SMG5: variants seen among roughly 807,000 people sequenced by gnomAD.
The protein encoded by SMG5 is nonsense-mediated mRNA decay factor SMG5.
SMG5 carries 53 observed loss-of-function variants against 122.9 expected under a neutral mutation model. The observed-to-expected ratio is 0.43, with a 90% CI of 0.35 to 0.54. The LOEUF (loss-of-function observed/expected upper bound fraction) is 0.54, where lower values mean the gene tolerates loss of function less well. Among genes scored for constraint, SMG5 ranks in the 20% least tolerant of loss-of-function variants. SMG5 has a pLI of 0.01. For synonymous variants in SMG5, 477 were observed against 490.2 expected (o/e 0.97, Z 0.35); for missense variants, 1,153 against 1,285.6 (o/e 0.90, Z 1.58).
intron 20 of SMG5, 188 bp downstream of exon 20, chr1:156,251,215 T>C: frequency 1.1e-6 from 1 of 899,958 alleles, no homozygotes; most frequent in Non-Finnish European, 1.8e-6. Flanking sequence ...GGCTGACCCA[T>C]CTGCAGAGGA....
At chr1:156,262,666 TACC>T (rs985376022) in intron 13 of SMG5, among the ~76,000 whole-genome samples, 4 of 152,026 alleles carry the variant, frequency 2.6e-5, no homozygotes, top group African/African-American at 9.7e-5. Flanking sequence ...TCTCCATCTT[TACC>T]ACACCTCCCT....
chr1:156,278,175 A>C lies in SMG5; in HGVS notation c.174-127T>G. 1.1e-5 allele frequency: 14 copies of C among 1,223,566 alleles called. No individual in the cohort carries two copies. The South Asian group carries it at 1.9e-4, about 17-fold the overall frequency. The allele number at this position is 1,223,566 out of a possible 1,614,324, so 75.8% of individuals were successfully genotyped here. A position where few individuals can be genotyped will look rare whatever the true frequency, so the allele number is the denominator to read the frequency against. On this transcript the variant is annotated intron_variant, in intron 2 of 21. Coordinates refer to ENST00000361813, the MANE Select transcript of SMG5 (RefSeq NM_015327.3). The stretch of plus-strand genomic sequence containing the variant: ...TCTCGGTGCTTCCCAAGAGACATGC[A>C]GGGTCAATATGACCCAGCACAACAG...
chr1:156,266,822 T>C, intron 10 of SMG5, 144 bp from the exon 11 acceptor site: 1 of 1,102,192 alleles, frequency 9.1e-7, no homozygotes, highest in South Asian at 1.8e-5. Flanking sequence ...TTTTTTAACT[T>C]TTTAGAGACA....
Position 156,250,940 on chromosome 1 carries a change from C to A in SMG5, c.2885G>T (p.Gly962Val). 6.2e-7 allele frequency: 1 copy of A among 1,614,010 alleles called. No individual in the cohort carries two copies. Among genetic ancestry groups the A allele is most frequent in the South Asian group, 1.1e-5 (1 of 91,074 alleles). ...CKQLTLAQGA[G>V]EEDPSGMVTI... The stretch of plus-strand genomic sequence containing the variant: ...CACCATGCCACTCGGATCCTCCTCA[C>A]CTGCCCCCTGGGCCAGAGTCAGCTG... Residue 962 changes from glycine (G) to valine (V), a missense_variant, in exon 21 of 22, where the codon GGT (glycine) becomes GTT (valine). Coordinates refer to ENST00000361813, the MANE Select transcript of SMG5 (RefSeq NM_015327.3).
intron 14 of SMG5, among the ~76,000 whole-genome samples, chr1:156,260,884 G>A (rs897033158): frequency 2.0e-5 from 3 of 152,222 alleles, no homozygotes; most frequent in Admixed American, 6.5e-5. Flanking sequence ...CAATTACATT[G>A]GGATGGAAAT....
At chr1:156,266,766 A>C (rs2103228881) in intron 10 of SMG5, 88 bp from the exon 11 acceptor site, 36 of 1,436,570 alleles carry the variant, frequency 2.5e-5, no homozygotes, top group Non-Finnish European at 3.4e-5. Flanking sequence ...ATCTGTTCTC[A>C]ACTCTTCCAA....
chr1:156,286,013 G>A (rs1451726424), upstream of SMG5: 3 of 1,577,166 alleles, frequency 1.9e-6, no homozygotes, highest in African/African-American at 1.3e-5. Context: ...GGGGGCATCG[G>A]GAAGTGGACT....
intron 12 of SMG5, among the ~76,000 whole-genome samples, 196 bp downstream of exon 12, chr1:156,265,585 T>A (rs996969283): frequency 2.6e-5 from 4 of 151,574 alleles, no homozygotes; most frequent in African/African-American, 9.7e-5. Flanking sequence ...AACAAATGGG[T>A]TGGGAGATGG....
At chr1:156,286,274 G>A (rs146787963), upstream of SMG5, 10 of 1,614,074 alleles carry the variant, frequency 6.2e-6, no homozygotes, top group African/African-American at 5.3e-5. Context: ...CCTGGTGTAC[G>A]GGCTGAGCCT....
intron 17 of SMG5, 59 bp downstream of exon 17, chr1:156,253,390 A>G (rs1661439843): frequency 6.5e-7 from 1 of 1,549,514 alleles, no homozygotes; most frequent in Non-Finnish European, 8.9e-7. Flanking sequence ...ACCTGCCAGT[A>G]GGGTTGACAC....
intron 2 of SMG5, among the ~76,000 whole-genome samples, chr1:156,278,301 T>C (rs1288575159): frequency 1.3e-5 from 2 of 152,102 alleles, no homozygotes; most frequent in African/African-American, 4.8e-5. Context: ...TCGCTCTCTT[T>C]TTCTCTGCTT....
chr1:156,271,026 A>G (rs913830809), intron 7 of SMG5, among the ~76,000 whole-genome samples: 2 of 152,218 alleles, frequency 1.3e-5, no homozygotes, highest in Admixed American at 1.3e-4. Context: ...AAAAAGAAAA[A>G]AGAAATGCGA....
chr1:156,289,809 C>A, the SMG5 span, among the ~76,000 whole-genome samples: 1 of 152,314 alleles, frequency 6.6e-6, no homozygotes, highest in Admixed American at 6.5e-5. Flanking sequence ...GGAAGTTGCT[C>A]TCCCCTCCCT....
chr1:156,284,418 T>G (rs546436680), upstream of SMG5: 11 of 152,282 alleles, frequency 7.2e-5, no homozygotes, highest in African/African-American at 2.6e-4. Flanking sequence ...TAAGAGGATG[T>G]CATGGGTCCA....
intron 1 of SMG5, among the ~76,000 whole-genome samples, chr1:156,280,852 A>T (rs1427505439): frequency 1.3e-5 from 2 of 152,224 alleles, no homozygotes; most frequent in East Asian, 3.8e-4. Flanking sequence ...TTCATTCACT[A>T]TTGTACTCTC....
At chr1:156,275,418 G>GA (rs1206482644) in intron 4 of SMG5, among the ~76,000 whole-genome samples, 7 of 152,212 alleles carry the variant, frequency 4.6e-5, no homozygotes, top group African/African-American at 1.7e-4. Context: ...TCATGTGCCA[G>GA]AAACTTGTCT....
intron 3 of SMG5, 103 bp downstream of exon 3, chr1:156,277,822 A>G (rs1209604728): frequency 4.0e-6 from 6 of 1,496,224 alleles, no homozygotes; most frequent in Admixed American, 1.7e-5. Flanking sequence ...TCTTACTGCC[A>G]TGTTTTCTTG....
In SMG5 at chr1:156,249,321, G is replaced by T; in HGVS notation, c.*1266C>A. The T allele has an allele frequency of 4.9e-6, 1 of 203,022 alleles. No individual in the cohort carries two copies. Among genetic ancestry groups the T allele is most frequent in the South Asian group, 8.5e-5 (1 of 11,776 alleles). 12.6% of individuals were successfully genotyped at this position (203,022 alleles called of 1,614,324 possible). A position where few individuals can be genotyped will look rare whatever the true frequency, so the allele number is the denominator to read the frequency against. On this transcript the variant is annotated 3_prime_UTR_variant, in exon 22 of 22. Coordinates refer to ENST00000361813, the MANE Select transcript of SMG5 (RefSeq NM_015327.3). ...ACTCACCCCAGGATTTCCCAGACTTGCTATTTTAGAGGAGAGAGGCAGGAA... is the reference window on the plus strand; with the variant it reads ...ACTCACCCCAGGATTTCCCAGACTTTCTATTTTAGAGGAGAGAGGCAGGAA...
At chr1:156,253,638 G>C (rs1661454244) in intron 16 of SMG5, 130 bp from the exon 17 acceptor site, 1 of 806,606 alleles carries the variant, frequency 1.2e-6, no homozygotes, top group South Asian at 1.4e-5. Flanking sequence ...CACTGCTGCT[G>C]AATGAGGGGA....
Sources: allele counts gnomAD v4.1 joint callset (sites outside exome capture counted in the v4.1 genomes callset), GRCh38; gene constraint gnomAD v4.1.1; transcripts MANE v1.5; gene names NCBI Gene and HGNC (gene_info 2026-07-23, HGNC 2026-07-21).